Variants in ZFHX3 observed in about 807,000 individuals in gnomAD.
The protein encoded by ZFHX3 is zinc finger homeobox protein 3.
A neutral mutation model predicts 279.1 loss-of-function variants in ZFHX3; 42 were observed. The ratio of observed to expected loss-of-function variants is 0.15; its 90% CI spans 0.12 to 0.19. ZFHX3 has a LOEUF of 0.19. Among genes scored for constraint, ZFHX3 ranks in the 10% least tolerant of loss-of-function variants. The probability of loss-of-function intolerance (pLI) is 1.00; values close to 1 mark genes in which losing one functional copy is unlikely to be tolerated. For synonymous variants in ZFHX3, 2,293 were observed against 1,957.8 expected (o/e 1.17, Z -4.52); for missense variants, 4,981 against 4,754.0 (o/e 1.05, Z -1.40).
At chr16:73,696,791 G>A (rs1388499181) in intron 1 of ZFHX3, among the ~76,000 whole-genome samples, 1 of 152,206 alleles carries the variant, frequency 6.6e-6, no homozygotes, top group East Asian at 1.9e-4. Flanking sequence ...CATCTGCTTG[G>A]CTGTGGCTTT....
chr16:73,211,534 T>C (rs898850698), intron 5 of ZFHX3, among the ~76,000 whole-genome samples: 3 of 152,216 alleles, frequency 2.0e-5, no homozygotes, highest in African/African-American at 7.2e-5. Flanking sequence ...TATACCTGTA[T>C]CACTAATGAA....
intron 3 of ZFHX3, among the ~76,000 whole-genome samples, chr16:72,934,235 G>C (rs1959988285): frequency 6.6e-6 from 1 of 152,030 alleles, no homozygotes; most frequent in Non-Finnish European, 1.5e-5. Context: ...GACCAGCCTG[G>C]CCAACATGGT....
intron 2 of ZFHX3, among the ~76,000 whole-genome samples, chr16:73,596,596 C>T (rs2052053230): frequency 6.6e-6 from 1 of 152,190 alleles, no homozygotes; most frequent in East Asian, 1.9e-4. Flanking sequence ...GTGCCCTCTT[C>T]ACCACCTGTG....
intron 1 of ZFHX3, among the ~76,000 whole-genome samples, chr16:73,765,329 C>A (rs1470494976): frequency 6.6e-6 from 1 of 152,148 alleles, no homozygotes; most frequent in East Asian, 1.9e-4. Flanking sequence ...TTTTGAGTTA[C>A]TAAAATATCT....
intron 1 of ZFHX3, among the ~76,000 whole-genome samples, chr16:73,776,996 G>A (rs955535293): frequency 6.6e-6 from 1 of 152,104 alleles, no homozygotes. Flanking sequence ...TCCGGAGCTA[G>A]GATTACTCTT....
intron 2 of ZFHX3, among the ~76,000 whole-genome samples, chr16:73,558,718 T>A (rs2020324805): frequency 6.9e-6 from 1 of 144,696 alleles, no homozygotes; most frequent in South Asian, 2.3e-4. Flanking sequence ...TCTTTTTTTT[T>A]TTTTTTTTTT....
At chr16:73,782,253 G>A (rs997050843) in intron 1 of ZFHX3, among the ~76,000 whole-genome samples, 1 of 152,168 alleles carries the variant, frequency 6.6e-6, no homozygotes, top group Non-Finnish European at 1.5e-5. Flanking sequence ...TTGGGTAGGT[G>A]AATCCAAGTG....
chr16:73,718,984 G>C (rs1399220904), intron 1 of ZFHX3, among the ~76,000 whole-genome samples: 1 of 152,128 alleles, frequency 6.6e-6, no homozygotes, highest in Non-Finnish European at 1.5e-5. Flanking sequence ...ATCAGGGTAA[G>C]GTTTAAGTTC....
chr16:73,639,214 C>G (rs533608999), intron 2 of ZFHX3, among the ~76,000 whole-genome samples: 9 of 152,254 alleles, frequency 5.9e-5, no homozygotes, highest in Middle Eastern at 3.4e-3. Context: ...TAATCAAGTC[C>G]ACAGCAGCAT....
At chr16:73,220,534 G>T (rs981473578) in intron 5 of ZFHX3, among the ~76,000 whole-genome samples, 3 of 152,128 alleles carry the variant, frequency 2.0e-5, no homozygotes, top group African/African-American at 7.2e-5. Context: ...TAATATTCCA[G>T]TGTGCACCCT....
intron 1 of ZFHX3, among the ~76,000 whole-genome samples, chr16:73,886,958 C>G (rs1293108711): frequency 2.6e-5 from 4 of 151,992 alleles, no homozygotes; most frequent in African/African-American, 9.7e-5. Context: ...AGTAATAAGC[C>G]CTTAGGTGAT....
intron 3 of ZFHX3, among the ~76,000 whole-genome samples, chr16:72,935,733 T>TAAA (rs35586166): frequency 2.1e-4 from 29 of 141,180 alleles, no homozygotes; most frequent in African/African-American, 7.6e-4. Flanking sequence ...CACTCTGTCT[T>TAAA]AAAAAAAAAA....
chr16:73,436,763 A>T (rs1184142325), intron 3 of ZFHX3, among the ~76,000 whole-genome samples: 1 of 146,540 alleles, frequency 6.8e-6, no homozygotes, highest in Non-Finnish European at 1.5e-5. Flanking sequence ...ATCCTGGCTG[A>T]AGTCAGGGGA....
intron 1 of ZFHX3, among the ~76,000 whole-genome samples, chr16:73,724,564 A>G (rs2639317): frequency 0.85 from 128,702 of 152,122 alleles, 55,121 homozygotes; most frequent in Non-Finnish European, 0.91. Flanking sequence ...CTTGGTAGGC[A>G]TTTGAGTTTG....
At chr16:72,967,241 T>C (rs1306025198) in intron 1 of ZFHX3, among the ~76,000 whole-genome samples, 1 of 152,216 alleles carries the variant, frequency 6.6e-6, no homozygotes, top group Non-Finnish European at 1.5e-5. Context: ...CTTGGAGACA[T>C]GGCCAATTCT....
intron 8 of ZFHX3, among the ~76,000 whole-genome samples, chr16:73,065,278 A>G (rs755489721): frequency 6.6e-6 from 1 of 152,172 alleles, no homozygotes; most frequent in Non-Finnish European, 1.5e-5. Context: ...GCGATAACGG[A>G]GGGATGCGCG....
chr16:73,463,801 A>AG (rs1438405195), intron 2 of ZFHX3, among the ~76,000 whole-genome samples: 4 of 152,186 alleles, frequency 2.6e-5, no homozygotes, highest in African/African-American at 4.8e-5. Context: ...ACTAAACAGA[A>AG]GGGGCGTTCG....
chr16:73,499,842 T>C (rs1381917649), intron 2 of ZFHX3: 1 of 152,212 alleles, frequency 6.6e-6, no homozygotes, highest in African/African-American at 2.4e-5. Context: ...AAGATTACAA[T>C]GGCGCTGAAA....
intron 2 of ZFHX3, among the ~76,000 whole-genome samples, chr16:73,497,394 T>G (rs2019159877): frequency 6.6e-6 from 1 of 152,206 alleles, no homozygotes. Context: ...TGAGGTCAGG[T>G]GCAGTGGCTC....
Sources: allele counts gnomAD v4.1 joint callset (sites outside exome capture counted in the v4.1 genomes callset), GRCh38; gene constraint gnomAD v4.1.1; transcripts MANE v1.5; gene names NCBI Gene and HGNC (gene_info 2026-07-23, HGNC 2026-07-21).